PRKG1: variants seen among roughly 807,000 people sequenced by gnomAD.
PRKG1 encodes cGMP-dependent protein kinase 1.
Under a neutral mutation model 88.1 loss-of-function variants are expected in PRKG1, and 35 were observed. The ratio of observed to expected loss-of-function variants is 0.40; its 90% CI spans 0.30 to 0.53. The LOEUF is 0.53. PRKG1 is among the 20% of genes least tolerant of loss of function. PRKG1 has a pLI of 0.59. For missense variants in PRKG1, 540 were observed against 839.8 expected (o/e 0.64, Z 4.41); for synonymous variants, 303 against 292.5 (o/e 1.04, Z -0.37).
chr10:51,115,273 C>T (rs979539264), intron 1 of PRKG1, among the ~76,000 whole-genome samples: 21 of 121,946 alleles, frequency 1.7e-4, no homozygotes, highest in African/African-American at 6.7e-4. Context: ...GAGATCAGGC[C>T]ATGGCACTCC....
rs560061832 is a variant in PRKG1, at chr10:52,209,822, T to A, written c.1077-41748T>A. ...GTCCCTGGCTGCCACCACCTATTCA[T>A]ACCAACACTCTCTCTCACCTGAACC... On this transcript the variant is annotated intron_variant, in intron 9 of 17. Transcript: ENST00000373980. Among the ~76,000 whole-genome samples, 5 of 152,228 alleles carry A rather than the reference T, an allele frequency of 3.3e-5. No individual in the cohort carries two copies. The East Asian group carries it at 9.7e-4, about 29-fold the overall frequency.
At chr10:51,398,196 A>G (rs4935246) in intron 2 of PRKG1, among the ~76,000 whole-genome samples, 36,490 of 152,052 alleles carry the variant, frequency 0.24, 4,822 homozygotes, top group African/African-American at 0.33. Context: ...TAGTTTTTCC[A>G]TGGGACAGGG....
At chr10:51,212,718 A>G (rs1359376401) in intron 2 of PRKG1, among the ~76,000 whole-genome samples, 1 of 152,114 alleles carries the variant, frequency 6.6e-6, no homozygotes, top group Non-Finnish European at 1.5e-5. Flanking sequence ...ATGAAAAAAT[A>G]CTCATCATCA....
chr10:51,726,389 T>C (rs950378009), intron 3 of PRKG1, among the ~76,000 whole-genome samples: 3 of 152,264 alleles, frequency 2.0e-5, no homozygotes, highest in African/African-American at 7.2e-5. Flanking sequence ...TGCATGTATG[T>C]AAAACCATTG....
intron 2 of PRKG1, among the ~76,000 whole-genome samples, chr10:51,312,464 A>G (rs1040035419): frequency 6.6e-6 from 1 of 152,174 alleles, no homozygotes; most frequent in African/African-American, 2.4e-5. Context: ...AGGGTGACCC[A>G]TAAGTCCTAA....
At chr10:51,277,215 G>T (rs1295626690) in intron 2 of PRKG1, among the ~76,000 whole-genome samples, 1 of 152,190 alleles carries the variant, frequency 6.6e-6, no homozygotes, top group African/African-American at 2.4e-5. Flanking sequence ...TTATTAAATA[G>T]GCAATCCTTT....
chr10:51,293,290 A>T (rs533534311), intron 2 of PRKG1, among the ~76,000 whole-genome samples: 1 of 152,238 alleles, frequency 6.6e-6, no homozygotes, highest in Non-Finnish European at 1.5e-5. Flanking sequence ...GCACATTATA[A>T]CTAACTATAA....
At chr10:51,541,261 A>G (rs191484536) in intron 3 of PRKG1, among the ~76,000 whole-genome samples, 40 of 152,294 alleles carry the variant, frequency 2.6e-4, no homozygotes, top group Admixed American at 1.5e-3. Flanking sequence ...TAAGAATCCC[A>G]TGCCACTGCT....
intron 2 of PRKG1, among the ~76,000 whole-genome samples, chr10:51,405,400 A>AC (rs1837880917): frequency 6.6e-6 from 1 of 152,214 alleles, no homozygotes; most frequent in African/African-American, 2.4e-5. Flanking sequence ...TGCATTTTCA[A>AC]ACAATGCCAG....
intron 7 of PRKG1, among the ~76,000 whole-genome samples, chr10:52,130,626 T>C (rs1401001518): frequency 6.6e-6 from 1 of 152,222 alleles, no homozygotes; most frequent in East Asian, 1.9e-4. Flanking sequence ...GTTATTCATT[T>C]ATTTGTTTTT....
intron 5 of PRKG1, among the ~76,000 whole-genome samples, chr10:51,954,114 T>C (rs12262440): frequency 0.013 from 1,906 of 152,254 alleles, 34 homozygotes; most frequent in African/African-American, 0.042. Flanking sequence ...AATGTAGTTA[T>C]ATAAAAAAGT....
intron 3 of PRKG1, among the ~76,000 whole-genome samples, chr10:51,763,748 A>G (rs1389561995): frequency 6.6e-6 from 1 of 151,310 alleles, no homozygotes; most frequent in Non-Finnish European, 1.5e-5. Context: ...TAGAAAAAAA[A>G]GGAATTTATT....
chr10:52,208,113 C>T (rs1418340970), intron 9 of PRKG1, among the ~76,000 whole-genome samples: 1 of 152,186 alleles, frequency 6.6e-6, no homozygotes, highest in South Asian at 2.1e-4. Flanking sequence ...AGCAATCTGT[C>T]TCCAGAATTT....
chr10:51,424,231 C>A (rs961689699), intron 2 of PRKG1, among the ~76,000 whole-genome samples: 2 of 152,028 alleles, frequency 1.3e-5, no homozygotes, highest in African/African-American at 2.4e-5. Context: ...GAGTCCAGTT[C>A]TCTTTGGACC....
At position 51,617,913 on chromosome 10, in the gene PRKG1, C is replaced by T. The variant is rs777680766; in HGVS notation, c.592+150077C>T. Among the ~76,000 whole-genome samples, 15 of 152,250 alleles carry T rather than the reference C, an allele frequency of 9.9e-5. No individual in the cohort carries two copies. The East Asian group carries it at 2.9e-3, about 29-fold the overall frequency. On this transcript the variant is annotated intron_variant, in intron 3 of 17. Coordinates refer to ENST00000373980, the MANE Select transcript of PRKG1 (RefSeq NM_006258.4). ...AAAATGTAAGAGGTTAAACCTTTATCCAGACAATTTAAGCATGAAATAACA... is the reference window on the plus strand; with the variant it reads ...AAAATGTAAGAGGTTAAACCTTTATTCAGACAATTTAAGCATGAAATAACA...
At chr10:51,509,398 T>G (rs1348262854) in intron 3 of PRKG1, among the ~76,000 whole-genome samples, 1 of 152,224 alleles carries the variant, frequency 6.6e-6, no homozygotes, top group Non-Finnish European at 1.5e-5. Flanking sequence ...ATCACTTAAG[T>G]TCAATGTCAC....
intron 3 of PRKG1, among the ~76,000 whole-genome samples, chr10:51,468,522 T>TA (rs1839965837): frequency 6.6e-6 from 1 of 151,924 alleles, no homozygotes; most frequent in Non-Finnish European, 1.5e-5. Flanking sequence ...AAAGATTTTT[T>TA]TAAAAAAAAT....
At chr10:52,067,801 C>A (rs1846390166) in intron 7 of PRKG1, among the ~76,000 whole-genome samples, 1 of 151,862 alleles carries the variant, frequency 6.6e-6, no homozygotes, top group Non-Finnish European at 1.5e-5. Context: ...CAGAAGTACT[C>A]CCTTATATAT....
chr10:52,271,228 GTTTT>G, intron 10 of PRKG1, 118 bp from the exon 11 acceptor site: 1 of 1,031,744 alleles, frequency 9.7e-7, no homozygotes, highest in Non-Finnish European at 1.4e-6. Flanking sequence ...GATTTACTGT[GTTTT>G]GACTTGGGAG....
Sources: gnomAD v4.1 joint callset for allele counts (sites outside exome capture counted in the v4.1 genomes callset) on GRCh38, gnomAD v4.1.1 for gene constraint, MANE v1.5 for transcripts, NCBI Gene and HGNC (gene_info 2026-07-23, HGNC 2026-07-21) for gene names.